The following ROBO1 variants were observed in gnomAD, a reference collection of about 807,000 sequenced individuals.
ROBO1 encodes the protein roundabout guidance receptor 1.
Under a neutral mutation model 195.9 loss-of-function variants are expected in ROBO1, and 149 were observed. That is an observed-to-expected ratio of 0.76 (90% confidence interval 0.67 to 0.87). The LOEUF (loss-of-function observed/expected upper bound fraction) is 0.87. Among genes scored for constraint, ROBO1 ranks in the 40% least tolerant of loss-of-function variants. The probability of loss-of-function intolerance (pLI) is 0.00; values close to 1 mark genes in which losing one functional copy is unlikely to be tolerated. For missense variants in ROBO1, 1,933 were observed against 2,068.3 expected (o/e 0.93, Z 1.27); for synonymous variants, 816 against 733.2 (o/e 1.11, Z -1.82).
chr3:79,727,035 G>A lies in ROBO1; in HGVS notation c.-51+40717C>T, dbSNP rs1166755666. Among the ~76,000 whole-genome samples the A allele has an allele frequency of 1.3e-5, 2 of 152,142 alleles. 1 individual carries two copies. Among genetic ancestry groups the A allele is most frequent in the South Asian group, 4.1e-4 (2 of 4,826 alleles). ...AACATGAGTTTGCTGTAAATGACCTGTCATTAATGTCATGGGTAACATCCG... is the reference window on the plus strand; with the variant it reads ...AACATGAGTTTGCTGTAAATGACCTATCATTAATGTCATGGGTAACATCCG... On this transcript the variant is annotated intron_variant, in intron 1 of 30. Transcript: ENST00000464233.
In ROBO1 at chr3:79,114,462, CTG is replaced by C. The variant is rs143019222; in HGVS notation, c.172+10992_172+10993del. 4.2e-3 allele frequency among the ~76,000 whole-genome samples: 644 copies of C among 152,294 alleles called. 4 individuals carry two copies. The highest frequency in any genetic ancestry group is 0.015 in the African/African-American group (614 of 41,576). ...GTTACCTAAGAGCTACATCAACTCT[CTG>C]TTCTTTATTCCTCTGGGATGTTGAT... On this transcript the variant is annotated intron_variant, in intron 3 of 30. Coordinates refer to ENST00000464233, the MANE Select transcript of ROBO1 (RefSeq NM_002941.4).
At chr3:78,677,152 C>G (rs1316444628) in intron 10 of ROBO1, among the ~76,000 whole-genome samples, 1 of 152,124 alleles carries the variant, frequency 6.6e-6, no homozygotes, top group African/African-American at 2.4e-5. Context: ...CAGGCCTGCC[C>G]TAAAAGAGCT....
rs190423012 is a variant in ROBO1, at chr3:78,611,086, C to T, written c.4435+3562G>A. Among the ~76,000 whole-genome samples the T allele has an allele frequency of 5.3e-5, 8 of 152,250 alleles. No individual in the cohort carries two copies. In the East Asian group the frequency reaches 1.4e-3, roughly 26 times the overall value. ...ATCTTATAAACACTCATTCTTTCTA[C>T]AAGACTTTCCAAATAACAGTATAAT... On this transcript the variant is annotated intron_variant, in intron 28 of 30. Transcript: ENST00000464233.
At chr3:79,548,976 C>T (rs2107665678) in intron 2 of ROBO1, among the ~76,000 whole-genome samples, 1 of 152,232 alleles carries the variant, frequency 6.6e-6, no homozygotes, top group Middle Eastern at 3.4e-3. Flanking sequence ...GGGTCATTGC[C>T]AGTGGATGAA....
chr3:79,753,625 CT>C (rs1412053721), intron 1 of ROBO1, among the ~76,000 whole-genome samples: 4 of 151,940 alleles, frequency 2.6e-5, no homozygotes, highest in East Asian at 3.8e-4. Context: ...TCATTTTGTT[CT>C]CCTTTACATA....
At position 79,392,464 on chromosome 3, in the gene ROBO1, C is replaced by G. The variant is rs887935728; in HGVS notation, c.88+197360G>C. On this transcript the variant is annotated intron_variant, in intron 2 of 30. Coordinates refer to ENST00000464233, the MANE Select transcript of ROBO1 (RefSeq NM_002941.4). ...GCACCCATGGAGAAAAATGTCAAGG[C>G]AGGAATGATAGGAACTGCATATAGG... Among the ~76,000 whole-genome samples the G allele has an allele frequency of 2.0e-5, 3 of 151,970 alleles. No homozygotes were observed. In the East Asian group the frequency reaches 5.8e-4, roughly 29 times the overall value.
intron 2 of ROBO1, among the ~76,000 whole-genome samples, chr3:79,185,034 G>A (rs1255449609): frequency 2.0e-5 from 3 of 152,094 alleles, no homozygotes; most frequent in African/African-American, 7.2e-5. Flanking sequence ...AAAAAGCTCG[G>A]TTTCTTTCTC....
chr3:79,714,954 T>A (rs1475099108), intron 1 of ROBO1, among the ~76,000 whole-genome samples: 1 of 151,660 alleles, frequency 6.6e-6, no homozygotes, highest in Non-Finnish European at 1.5e-5. Context: ...CATATGTAAC[T>A]AACCTGCACA....
chr3:79,349,610 C>A (rs1477218112), intron 2 of ROBO1, among the ~76,000 whole-genome samples: 1 of 152,168 alleles, frequency 6.6e-6, no homozygotes, highest in Non-Finnish European at 1.5e-5. Flanking sequence ...GTGATTCTGA[C>A]ATAGGCTAGA....
intron 1 of ROBO1, among the ~76,000 whole-genome samples, chr3:79,619,682 A>G (rs1576128315): frequency 1.3e-5 from 2 of 152,084 alleles, no homozygotes; most frequent in Non-Finnish European, 2.9e-5. Context: ...CCTCTCCCAG[A>G]TCAGTTAGCA....
At chr3:79,661,029 A>C (rs1946312593) in intron 1 of ROBO1, among the ~76,000 whole-genome samples, 1 of 152,100 alleles carries the variant, frequency 6.6e-6, no homozygotes, top group South Asian at 2.1e-4. Context: ...CTGATCCAAC[A>C]ATTTATACTA....
At chr3:78,676,035 C>T (rs1708402149) in intron 10 of ROBO1, among the ~76,000 whole-genome samples, 1 of 152,144 alleles carries the variant, frequency 6.6e-6, no homozygotes, top group Non-Finnish European at 1.5e-5. Flanking sequence ...CACTGTTCTG[C>T]AGCCACCGCT....
At chr3:78,654,274 G>A (rs1575849339) in intron 18 of ROBO1, among the ~76,000 whole-genome samples, 1 of 152,152 alleles carries the variant, frequency 6.6e-6, no homozygotes, top group African/African-American at 2.4e-5. Context: ...GTATGAGTGT[G>A]TGTGGTTTTT....
At chr3:79,226,928 A>G (rs2082237275) in intron 2 of ROBO1, among the ~76,000 whole-genome samples, 3 of 152,110 alleles carry the variant, frequency 2.0e-5, no homozygotes. Context: ...AGAGGGCTGC[A>G]TCTACATCTA....
At chr3:79,024,468 GA>G (rs2078164913) in intron 3 of ROBO1, among the ~76,000 whole-genome samples, 1 of 152,178 alleles carries the variant, frequency 6.6e-6, no homozygotes, top group Non-Finnish European at 1.5e-5. Flanking sequence ...AGATGATGTT[GA>G]GATTACATAA....
chr3:79,289,052 AG>A lies in ROBO1; in HGVS notation c.89-163514del, dbSNP rs35619408. The stretch of plus-strand genomic sequence containing the variant: ...AAAATTTCAAAAGAAAGGAAAATGT[AG>A]AACTATCCAGAATATTTAATCTAAG... On this transcript the variant is annotated intron_variant, in intron 2 of 30. Coordinates refer to ENST00000464233, the MANE Select transcript of ROBO1 (RefSeq NM_002941.4). Among the ~76,000 whole-genome samples the A allele has an allele frequency of 8.8e-3, 1,345 of 152,192 alleles. 18 individuals carry two copies. Among genetic ancestry groups the A allele is most frequent in the African/African-American group, 0.031 (1,271 of 41,498 alleles).
chr3:79,115,265 G>T (rs911771345), intron 3 of ROBO1, among the ~76,000 whole-genome samples: 3 of 152,166 alleles, frequency 2.0e-5, no homozygotes, highest in African/African-American at 7.2e-5. Context: ...TTGATTCAGG[G>T]ATAGTGGCTA....
intron 2 of ROBO1, among the ~76,000 whole-genome samples, chr3:79,155,897 C>A (rs944528468): frequency 6.6e-6 from 1 of 151,778 alleles, no homozygotes; most frequent in Non-Finnish European, 1.5e-5. Context: ...AACATTCTTA[C>A]TACAATTCAT....
At chr3:79,438,522 T>G (rs114871107) in intron 2 of ROBO1, among the ~76,000 whole-genome samples, 1,629 of 152,144 alleles carry the variant, frequency 0.011, 30 homozygotes, top group African/African-American at 0.037. Flanking sequence ...AATATTCTTA[T>G]CCACAGAATA....
Sources: gnomAD v4.1 joint callset for allele counts (sites outside exome capture counted in the v4.1 genomes callset) on GRCh38, gnomAD v4.1.1 for gene constraint, MANE v1.5 for transcripts, NCBI Gene and HGNC (gene_info 2026-07-23, HGNC 2026-07-21) for gene names.